The following GLT1D1 variants were observed in gnomAD, a reference collection of about 807,000 sequenced individuals.
GLT1D1 encodes the protein glycosyltransferase 1 domain-containing protein 1.
Under a neutral mutation model 28.7 loss-of-function variants are expected in GLT1D1, and 21 were observed. That is an observed-to-expected ratio of 0.73 (90% CI 0.52 to 1.05). GLT1D1 has a LOEUF of 1.05. GLT1D1 is among the 50% of genes least tolerant of loss of function. The pLI is 0.00. For synonymous variants in GLT1D1, 147 were observed against 124.8 expected (o/e 1.18, Z -1.19); for missense variants, 343 against 330.6 (o/e 1.04, Z -0.29).
chr12:128,928,977 T>C (rs1873579990), intron 4 of GLT1D1, among the ~76,000 whole-genome samples: 1 of 152,146 alleles, frequency 6.6e-6, no homozygotes, highest in Non-Finnish European at 1.5e-5. Context: ...TGTGCATCCC[T>C]CCAGATTCCT....
At chr12:128,885,776 C>T (rs969030995) in intron 2 of GLT1D1, among the ~76,000 whole-genome samples, 8 of 152,130 alleles carry the variant, frequency 5.3e-5, no homozygotes, top group Non-Finnish European at 1.2e-4. Context: ...TAAACAACCT[C>T]GTTGATAGTG....
chr12:128,925,023 T>C (rs1409708132), intron 4 of GLT1D1, among the ~76,000 whole-genome samples: 1 of 147,310 alleles, frequency 6.8e-6, no homozygotes, highest in Non-Finnish European at 1.5e-5. Context: ...CTTTTCTTCA[T>C]AAATAAATTG....
chr12:128,980,220 G>C lies in GLT1D1; in HGVS notation c.640-2709G>C, dbSNP rs553416344. On this transcript the variant is annotated intron_variant, in intron 7 of 7. Transcript: ENST00000281703. ...GTCCACCCACACTCACGTCACAGGTGGGGGTGGCTGGGGTCAGCCCAGGGT... is the reference window on the plus strand; with the variant it reads ...GTCCACCCACACTCACGTCACAGGTCGGGGTGGCTGGGGTCAGCCCAGGGT... 5.3e-5 allele frequency among the ~76,000 whole-genome samples: 8 copies of C among 152,310 alleles called. No individual in the cohort carries two copies. The East Asian group carries it at 7.7e-4, about 15-fold the overall frequency.
rs569023439 is a variant in GLT1D1 at position 128,945,232 on chromosome 12, G to A, written c.376-94G>A. The A allele has an allele frequency of 7.2e-4, 935 of 1,291,010 alleles. 3 individuals are homozygous for A. Among genetic ancestry groups the A allele is most frequent in the South Asian group, 4.6e-3 (386 of 84,204 alleles). 80.0% of individuals were successfully genotyped at this position (1,291,010 alleles called of 1,614,324 possible). A position where few individuals can be genotyped will look rare whatever the true frequency, so the allele number is the denominator to read the frequency against. ...GGCCGCAGACCGAGGCCCACGCCGCGCTGGCACCAGGGCTTTGGCCTGGCC... is the reference window on the plus strand; with the variant it reads ...GGCCGCAGACCGAGGCCCACGCCGCACTGGCACCAGGGCTTTGGCCTGGCC... On this transcript the variant is annotated intron_variant, in intron 4 of 7. Coordinates refer to ENST00000281703, the MANE Select transcript of GLT1D1 (RefSeq NM_144669.3).
rs1265635641 is a variant in GLT1D1, at chr12:128,899,941, C to T, written c.375+654C>T. ...CTTGTATACATGAGAGTAACAATCT[C>T]TTAGGTGACAGAGGTAGTTTCCTGG... On this transcript the variant is annotated intron_variant, in intron 4 of 7. Coordinates refer to ENST00000281703, the MANE Select transcript of GLT1D1 (RefSeq NM_144669.3). Among the ~76,000 whole-genome samples the T allele has an allele frequency of 2.0e-5, 3 of 152,172 alleles. No individual in the cohort carries two copies. In the East Asian group the frequency reaches 5.8e-4, roughly 29 times the overall value.
In GLT1D1 at chr12:128,936,909, C is replaced by T. The variant is rs553940898; in HGVS notation, c.376-8417C>T. ...TTTTCTCTTTATCTTGCACTTTGTT[C>T]CACGTGGCTTCACTAAGAGATTTGA... On this transcript the variant is annotated intron_variant, in intron 4 of 7. Coordinates refer to ENST00000281703, the MANE Select transcript of GLT1D1 (RefSeq NM_144669.3). Among the ~76,000 whole-genome samples the T allele has an allele frequency of 3.3e-5, 5 of 152,210 alleles. No homozygotes were observed. The South Asian group carries it at 1.0e-3, about 32-fold the overall frequency.
intron 2 of GLT1D1, among the ~76,000 whole-genome samples, chr12:128,881,561 A>AATAT (rs1174737837): frequency 0.049 from 1,637 of 33,488 alleles, 62 homozygotes; most frequent in Middle Eastern, 0.094. Context: ...AAAAAAAAAA[A>AATAT]ATATATATAT....
intron 4 of GLT1D1, among the ~76,000 whole-genome samples, chr12:128,933,465 C>G (rs1874174095): frequency 6.6e-6 from 1 of 152,236 alleles, no homozygotes; most frequent in Non-Finnish European, 1.5e-5. Flanking sequence ...ATATGCTGTT[C>G]TATTCTACGT....
chr12:128,951,386 G>C (rs183664232), intron 6 of GLT1D1, among the ~76,000 whole-genome samples: 1 of 152,182 alleles, frequency 6.6e-6, no homozygotes, highest in South Asian at 2.1e-4. Flanking sequence ...CTGGGTGACA[G>C]AGCGAGACTC....
rs374942911 is a variant in GLT1D1, at chr12:128,902,532, C to G, written c.375+3245C>G. On this transcript the variant is annotated intron_variant, in intron 4 of 7. Transcript: ENST00000281703. ...AAAAAAGAAAAGTTCCCTGATGCAG[C>G]TAAACTTTAAGAAATTGCCACTTGC... Among the ~76,000 whole-genome samples the G allele has an allele frequency of 1.2e-4, 18 of 151,058 alleles. 3 individuals are homozygous for G. The highest frequency in any genetic ancestry group is 4.4e-4 in the African/African-American group (18 of 40,858).
rs1364663061 is a variant in GLT1D1, at chr12:128,853,589, T to C, written c.8T>C (p.Leu3Pro). Reference sequence around the variant, plus strand: ...CCGGGCGGCGGCGGCGGCATGCGGCTCCTGTTCCTGGCGGTGCTGCGGCCA... The same window carrying C: ...CCGGGCGGCGGCGGCGGCATGCGGCCCCTGTTCCTGGCGGTGCTGCGGCCA... The change falls in exon 1 of 8, where the codon CTC becomes CCC. Residue 3 changes from leucine to proline, a missense_variant. Transcript: ENST00000281703. 1 of 1,153,066 alleles carries C rather than the reference T, an allele frequency of 8.7e-7. No homozygotes were observed. The allele number at this position is 1,153,066 out of a possible 1,614,324, so 71.4% of individuals were successfully genotyped here. A position where few individuals can be genotyped will look rare whatever the true frequency, so the allele number is the denominator to read the frequency against.
chr12:128,888,901 T>TTC (rs1191997853), intron 3 of GLT1D1, among the ~76,000 whole-genome samples, 157 bp downstream of exon 3: 7 of 152,272 alleles, frequency 4.6e-5, no homozygotes, highest in African/African-American at 1.7e-4. Flanking sequence ...GGTACATTTT[T>TTC]ATTTGGCCAC....
chr12:128,955,231 G>T (rs752371155), intron 6 of GLT1D1, among the ~76,000 whole-genome samples: 1 of 152,174 alleles, frequency 6.6e-6, no homozygotes, highest in Non-Finnish European at 1.5e-5. Context: ...GAATGGTACA[G>T]CAAATACCTG....
chr12:128,945,038 C>T, intron 4 of GLT1D1: 2 of 634,148 alleles, frequency 3.2e-6, no homozygotes, highest in South Asian at 1.9e-5. Flanking sequence ...TGAGTGAGAA[C>T]ATGTAACAGG....
chr12:128,968,899 C>T (rs1373225822), intron 7 of GLT1D1, among the ~76,000 whole-genome samples: 1 of 152,018 alleles, frequency 6.6e-6, no homozygotes, highest in East Asian at 1.9e-4. Context: ...CACAAATGGC[C>T]CTGCTCTCCC....
intron 1 of GLT1D1, among the ~76,000 whole-genome samples, chr12:128,871,514 T>C (rs1956688085): frequency 6.6e-6 from 1 of 152,186 alleles, no homozygotes; most frequent in South Asian, 2.1e-4. Flanking sequence ...CACAGTGATG[T>C]TGTGACACTT....
At chr12:128,929,293 C>T (rs1006281813) in intron 4 of GLT1D1, among the ~76,000 whole-genome samples, 6 of 152,144 alleles carry the variant, frequency 3.9e-5, no homozygotes, top group African/African-American at 2.4e-5. Context: ...TGGTCTGCAG[C>T]GTTAAATAAA....
chr12:128,915,090 A>T, intron 4 of GLT1D1, 101 bp downstream of exon 6: 1 of 894,382 alleles, frequency 1.1e-6, no homozygotes, highest in Non-Finnish European at 1.7e-6. Context: ...AGTGGTTGTC[A>T]GAGAGAACAA....
intron 2 of GLT1D1, among the ~76,000 whole-genome samples, chr12:128,886,290 A>G (rs756286510): frequency 6.6e-6 from 1 of 152,146 alleles, no homozygotes; most frequent in African/African-American, 2.4e-5. Context: ...CTTTGTGGCA[A>G]TAGGGTGTAT....
Sources: gnomAD v4.1 joint callset for allele counts (sites outside exome capture counted in the v4.1 genomes callset) on GRCh38, gnomAD v4.1.1 for gene constraint, MANE v1.5 for transcripts, NCBI Gene and HGNC (gene_info 2026-07-23, HGNC 2026-07-21) for gene names.